Variants in GALNT10 observed in about 807,000 individuals in gnomAD.
GALNT10 encodes polypeptide N-acetylgalactosaminyltransferase 10, also known as GalNAc transferase 10.
Under a neutral mutation model 75.0 loss-of-function variants are expected in GALNT10, and 41 were observed. The observed-to-expected ratio is 0.55, with a 90% CI of 0.43 to 0.71. The LOEUF (loss-of-function observed/expected upper bound fraction) is 0.71, where lower values mean the gene tolerates loss of function less well. GALNT10 is among the 30% of genes least tolerant of loss of function. GALNT10 has a pLI of 0.00. For synonymous variants in GALNT10, 302 were observed against 313.0 expected, an observed-to-expected ratio of 0.96 and a Z score of 0.37; for missense variants, 727 against 818.5, an observed-to-expected ratio of 0.89 and a Z score of 1.36.
intron 7 of GALNT10, among the ~76,000 whole-genome samples, chr5:154,401,676 C>A (rs1756166234): frequency 6.6e-6 from 1 of 152,056 alleles, no homozygotes; most frequent in Non-Finnish European, 1.5e-5. Context: ...CCAATAATTG[C>A]AGCCCTGTGC....
At chr5:154,316,862 C>T (rs1754600304) in intron 3 of GALNT10, among the ~76,000 whole-genome samples, 1 of 152,190 alleles carries the variant, frequency 6.6e-6, no homozygotes, top group African/African-American at 2.4e-5. Context: ...TGAAGCCTTA[C>T]TGAAGCCCCA....
At chr5:154,350,090 A>G (rs1039016319) in intron 4 of GALNT10, among the ~76,000 whole-genome samples, 1 of 152,226 alleles carries the variant, frequency 6.6e-6, no homozygotes, top group Non-Finnish European at 1.5e-5. Context: ...ACAAGTGTGG[A>G]ACACATGACA....
Position 154,380,521 on chromosome 5 carries a change from C to T in GALNT10, c.828C>T (p.Tyr276=), listed in dbSNP as rs770121388. 53 of 1,613,844 alleles carry T rather than the reference C, an allele frequency of 3.3e-5. No homozygotes were observed. Among genetic ancestry groups the T allele is most frequent in the African/African-American group, 3.1e-4 (23 of 75,000 alleles). Residue 276 remains tyrosine (Y), a synonymous_variant, in exon 6 of 12, where the codon TAC becomes TAT. Transcript: ENST00000297107. ...TAATTGACCATGACGACTTTCGGTA[C>T]GAGACACAGGCAGGGGATGCCATGC... ...IDVIDHDDFR[Y]ETQAGDAMRG... is the part of the protein sequence containing the mutation.
chr5:154,416,830 A>G lies in GALNT10; in HGVS notation c.1670A>G (p.His557Arg). ...WKYRKDKTLY[H>R]PVSGSCMDCS... Reference sequence around the variant, plus strand: ...GTTTTGTAGGACAAGACCCTGTACCACCCTGTCAGTGGCAGCTGCATGGAC... The same window carrying G: ...GTTTTGTAGGACAAGACCCTGTACCGCCCTGTCAGTGGCAGCTGCATGGAC... The change falls in exon 12 of 12, where the codon CAC becomes CGC. Residue 557 changes from histidine to arginine, a missense_variant. Physicochemically the swap from His to Arg is conservative, Grantham distance 29. Transcript: ENST00000297107. This position sits in a 1 kb window ranked among gnomAD's most constrained non-coding sequence, Gnocchi z 4.5. The G allele has an allele frequency of 6.2e-7, 1 of 1,613,398 alleles. No homozygotes were observed. Among genetic ancestry groups the G allele is most frequent in the African/African-American group, 1.3e-5 (1 of 75,008 alleles).
chr5:154,412,914 G>T lies in GALNT10; in HGVS notation c.1412G>T (p.Cys471Phe). Residue 471 changes from cysteine (C) to phenylalanine (F), a missense_variant, in exon 10 of 12, where the codon TGT becomes TTT. Coordinates refer to ENST00000297107, the MANE Select transcript of GALNT10 (RefSeq NM_198321.4). This position sits in a 1 kb window ranked among gnomAD's most constrained non-coding sequence, Gnocchi z 4.2. Reference protein sequence around the residue: ...GEIRNVGTGLCADTKHGALGS... With the variant: ...GEIRNVGTGLFADTKHGALGS... The stretch of plus-strand genomic sequence containing the variant: ...ATCCGAAATGTGGGCACAGGGCTGT[G>T]TGCAGACACAAAGCACGGGGCCTTG... 6.2e-7 allele frequency: 1 copy of T among 1,613,596 alleles called. No homozygotes were observed. The highest frequency in any genetic ancestry group is 8.5e-7 in the Non-Finnish European group (1 of 1,179,592).
intron 4 of GALNT10, among the ~76,000 whole-genome samples, chr5:154,358,083 C>T (rs886500198): frequency 5.3e-5 from 8 of 152,174 alleles, no homozygotes; most frequent in Admixed American, 5.2e-4. Context: ...CTCTACCCGG[C>T]AGTTCACATT....
At chr5:154,309,233 GA>G (rs1754477720) in intron 3 of GALNT10, among the ~76,000 whole-genome samples, 1 of 152,136 alleles carries the variant, frequency 6.6e-6, no homozygotes, top group African/African-American at 2.4e-5. Flanking sequence ...CAAAGGCCCT[GA>G]GACCACTGTG....
At chr5:154,313,219 A>G (rs1754547572) in intron 3 of GALNT10, among the ~76,000 whole-genome samples, 1 of 152,052 alleles carries the variant, frequency 6.6e-6, no homozygotes, top group Non-Finnish European at 1.5e-5. Context: ...CTGAGGCAGG[A>G]GAATTGCTTC....
chr5:154,367,857 C>CAAA (rs71577134), intron 4 of GALNT10, among the ~76,000 whole-genome samples: 2 of 77,114 alleles, frequency 2.6e-5, no homozygotes. Context: ...GACTCCGTCT[C>CAAA]AAAAAAAAAA....
chr5:154,332,797 G>A (rs1754887076), intron 4 of GALNT10, among the ~76,000 whole-genome samples: 1 of 152,178 alleles, frequency 6.6e-6, no homozygotes, highest in Admixed American at 6.5e-5. Flanking sequence ...GCCCGCATCT[G>A]TGTTTTCAGG....
chr5:154,202,912 G>A (rs1004184469), intron 1 of GALNT10, among the ~76,000 whole-genome samples: 8 of 152,112 alleles, frequency 5.3e-5, no homozygotes, highest in Non-Finnish European at 1.0e-4. Context: ...GACCCCCCTC[G>A]CCTGCTATTC....
chr5:154,307,602 A>AGAGT (rs1754453194), intron 3 of GALNT10, among the ~76,000 whole-genome samples: 2 of 149,964 alleles, frequency 1.3e-5, no homozygotes, highest in South Asian at 4.2e-4. Context: ...CCTGGGCGAC[A>AGAGT]GAGTGAGACT....
chr5:154,330,346 T>C (rs1482608782), intron 4 of GALNT10, among the ~76,000 whole-genome samples: 11 of 152,376 alleles, frequency 7.2e-5, no homozygotes. Flanking sequence ...TTTTGGTTTG[T>C]GGCCTCTTTG....
chr5:154,271,262 T>C (rs149715272), intron 1 of GALNT10, among the ~76,000 whole-genome samples: 3,478 of 151,468 alleles, frequency 0.023, 61 homozygotes, highest in Non-Finnish European at 0.035. Flanking sequence ...AGGTCAGGAG[T>C]TCGAGACCAG....
rs1203493668 is a variant in GALNT10, at chr5:154,310,477, GTTTT to G, written c.401+12399_401+12402del. On this transcript the variant is annotated intron_variant, in intron 3 of 11. Transcript: ENST00000297107. Reference sequence around the variant, plus strand: ...TGTTTGTTTGTTTGTTTGTTTGTTTGTTTTGTTTTTGAGACAGAGTCTCGCTCTG... The same window carrying G: ...TGTTTGTTTGTTTGTTTGTTTGTTTGGTTTTTGAGACAGAGTCTCGCTCTG... Among the ~76,000 whole-genome samples, 6 of 150,374 alleles carry G rather than the reference GTTTT, an allele frequency of 4.0e-5. No individual in the cohort carries two copies. In the South Asian group the frequency reaches 6.3e-4, roughly 16 times the overall value.
chr5:154,234,943 A>G (rs1753222454), intron 1 of GALNT10, among the ~76,000 whole-genome samples: 1 of 152,238 alleles, frequency 6.6e-6, no homozygotes, highest in Non-Finnish European at 1.5e-5. Flanking sequence ...TTAGCATCTG[A>G]GATCTGCTGA....
chr5:154,195,076 G>T (rs1653457335), intron 1 of GALNT10, among the ~76,000 whole-genome samples: 1 of 152,190 alleles, frequency 6.6e-6, no homozygotes, highest in Admixed American at 6.5e-5. Flanking sequence ...CAGTGACACG[G>T]TAACAGATAA....
In GALNT10 at chr5:154,304,830, G is replaced by A. The variant is rs555218456; in HGVS notation, c.401+6751G>A. Among the ~76,000 whole-genome samples the A allele has an allele frequency of 9.9e-5, 15 of 152,284 alleles. No individual in the cohort carries two copies. The South Asian group carries it at 3.1e-3, about 32-fold the overall frequency. On this transcript the variant is annotated intron_variant, in intron 3 of 11. Transcript: ENST00000297107. Reference sequence around the variant, plus strand: ...GTAAGGTTCTCATAGTACGTATGAAGTATACAATATCATCTGAAGGTAGAC... The same window carrying A: ...GTAAGGTTCTCATAGTACGTATGAAATATACAATATCATCTGAAGGTAGAC...
At chr5:154,277,210 T>C (rs1195317874) in intron 1 of GALNT10, among the ~76,000 whole-genome samples, 1 of 151,950 alleles carries the variant, frequency 6.6e-6, no homozygotes, top group Non-Finnish European at 1.5e-5. Context: ...CCTTGGGGCT[T>C]GGCTCTCTGT....
Sources: gnomAD v4.1 joint callset for allele counts (sites outside exome capture counted in the v4.1 genomes callset) on GRCh38, gnomAD v4.1.1 for gene constraint, Gnocchi (gnomAD v3.1) non-coding constraint, MANE v1.5 for transcripts, NCBI Gene and HGNC (gene_info 2026-07-23, HGNC 2026-07-21) for gene names.